USP45: variants seen among roughly 807,000 people sequenced by gnomAD.
USP45 encodes ubiquitin carboxyl-terminal hydrolase 45.
Under a neutral mutation model 95.8 loss-of-function variants are expected in USP45, and 89 were observed. The ratio of observed to expected loss-of-function variants is 0.93; its 90% CI spans 0.78 to 1.11. USP45 has a LOEUF of 1.11. USP45 is among the 50% of genes least tolerant of loss of function. The probability of loss-of-function intolerance (pLI) is 0.00; values close to 1 mark genes in which losing one functional copy is unlikely to be tolerated. For missense variants in USP45, 898 were observed against 942.5 expected (o/e 0.95, Z 0.62); for synonymous variants, 281 against 316.2 (o/e 0.89, Z 1.18).
At chr6:99,469,496 T>A (rs1788849137) in intron 9 of USP45, among the ~76,000 whole-genome samples, 1 of 142,780 alleles carries the variant, frequency 7.0e-6, no homozygotes, top group African/African-American at 2.5e-5. Context: ...ATTTTTTTTT[T>A]TTTTGAGAGT....
At chr6:99,454,220 C>T (rs11754659) in intron 13 of USP45, among the ~76,000 whole-genome samples, 22,339 of 152,168 alleles carry the variant, frequency 0.15, 2,359 homozygotes, top group Non-Finnish European at 0.21. Context: ...GAAGGACGCC[C>T]TCTTCAACAA....
At chr6:99,448,691 C>G (rs1783106609) in intron 13 of USP45, among the ~76,000 whole-genome samples, 2 of 152,148 alleles carry the variant, frequency 1.3e-5, no homozygotes, top group Admixed American at 1.3e-4. Flanking sequence ...CAAAGATACT[C>G]CTTGAGAAGA....
intron 5 of USP45, chr6:99,502,021 A>G: frequency 7.7e-7 from 1 of 1,295,282 alleles, no homozygotes; most frequent in Non-Finnish European, 1.0e-6. Context: ...TGCCAGAAAG[A>G]CCAACCATGT....
At chr6:99,487,563 G>A (rs1794210342) in intron 7 of USP45, among the ~76,000 whole-genome samples, 1 of 151,496 alleles carries the variant, frequency 6.6e-6, no homozygotes, top group South Asian at 2.1e-4. Context: ...GCCGAGGCGG[G>A]TGGATCACGA....
Position 99,507,410 on chromosome 6 carries a change from T to G in USP45, c.377+18A>C. On this transcript the variant is annotated intron_variant, in intron 4 of 17. Transcript: ENST00000500704. The stretch of plus-strand genomic sequence containing the variant: ...GGCTGTGGTTAGTGGACACAAGAAC[T>G]AACAAAATTTAACTTACCATATAAT... 1 of 1,523,128 alleles carries G rather than the reference T, an allele frequency of 6.6e-7. No homozygotes were observed. The highest frequency in any genetic ancestry group is 9.0e-7 in the Non-Finnish European group (1 of 1,114,116). 94.4% of individuals were successfully genotyped at this position (1,523,128 alleles called of 1,614,324 possible).
At chr6:99,469,306 AAAAC>A (rs1788718864) in intron 9 of USP45, among the ~76,000 whole-genome samples, 1 of 151,844 alleles carries the variant, frequency 6.6e-6, no homozygotes. Context: ...GTTTCAGAAT[AAAAC>A]TACATACTCC....
At chr6:99,450,730 A>G (rs988345817) in intron 13 of USP45, among the ~76,000 whole-genome samples, 13 of 152,204 alleles carry the variant, frequency 8.5e-5, no homozygotes, top group Non-Finnish European at 1.5e-4. Flanking sequence ...AGACACAACA[A>G]AAAAAGAGAA....
chr6:99,478,259 C>CA (rs1422577618), intron 8 of USP45, among the ~76,000 whole-genome samples: 17 of 85,000 alleles, frequency 2.0e-4, no homozygotes, highest in East Asian at 7.2e-4. Flanking sequence ...TAGGAATGGG[C>CA]AAAAAAAAAT....
chr6:99,494,771 G>A (rs1467444998), intron 5 of USP45, among the ~76,000 whole-genome samples: 1 of 152,128 alleles, frequency 6.6e-6, no homozygotes, highest in Non-Finnish European at 1.5e-5. Flanking sequence ...GCGCTTGCCT[G>A]TAGTCCAAGC....
At chr6:99,449,003 A>T (rs982632042) in intron 13 of USP45, among the ~76,000 whole-genome samples, 2 of 152,226 alleles carry the variant, frequency 1.3e-5, no homozygotes, top group Non-Finnish European at 2.9e-5. Flanking sequence ...GACCTGCCCT[A>T]CAAGAGCTCC....
At position 99,440,248 on chromosome 6, in the gene USP45, T is replaced by G. The variant is rs891897258; in HGVS notation, c.2074-393A>C. 7.9e-5 allele frequency among the ~76,000 whole-genome samples: 12 copies of G among 152,220 alleles called. No individual in the cohort carries two copies. The South Asian group carries it at 2.1e-3, about 26-fold the overall frequency. On this transcript the variant is annotated intron_variant, in intron 15 of 17. Coordinates refer to ENST00000500704, the MANE Select transcript of USP45 (RefSeq NM_001346022.3). ...GACTGGTTGTCAACTTGATTCCATATATAAAAGGATGAGATTAGGTCCTTT... is the reference window on the plus strand; with the variant it reads ...GACTGGTTGTCAACTTGATTCCATAGATAAAAGGATGAGATTAGGTCCTTT...
intron 5 of USP45, among the ~76,000 whole-genome samples, chr6:99,502,970 A>G (rs1240760284): frequency 6.6e-6 from 1 of 152,196 alleles, no homozygotes; most frequent in African/African-American, 2.4e-5. Context: ...TGGAACTGTG[A>G]GCCAATTAAA....
chr6:99,502,669 G>T, intron 5 of USP45, among the ~76,000 whole-genome samples: 1 of 152,232 alleles, frequency 6.6e-6, no homozygotes, highest in East Asian at 1.9e-4. Flanking sequence ...ATGTCGAGTT[G>T]TAATCGCCAA....
intron 1 of USP45, chr6:99,514,879 T>C (rs907830688): frequency 1.3e-5 from 2 of 152,206 alleles, no homozygotes; most frequent in African/African-American, 4.8e-5. Flanking sequence ...GCTATTATTT[T>C]CCGCATTTTA....
At chr6:99,474,341 G>A (rs1790264739) in intron 9 of USP45, among the ~76,000 whole-genome samples, 1 of 152,108 alleles carries the variant, frequency 6.6e-6, no homozygotes, top group Non-Finnish European at 1.5e-5. Context: ...GGGATTACAG[G>A]TGTGCACCAC....
At chr6:99,460,860 A>G (rs796972492) in intron 13 of USP45, 1 of 975,982 alleles carries the variant, frequency 1.0e-6, no homozygotes, top group African/African-American at 1.8e-5. Flanking sequence ...ATAAGATGGA[A>G]CACAAAAATT....
chr6:99,459,149 A>G lies in USP45; in HGVS notation c.1308+5455T>C, dbSNP rs530522749. Among the ~76,000 whole-genome samples the G allele has an allele frequency of 2.0e-5, 3 of 152,066 alleles. No individual in the cohort carries two copies. The East Asian group carries it at 5.8e-4, about 29-fold the overall frequency. On this transcript the variant is annotated intron_variant, in intron 13 of 17. Coordinates refer to ENST00000500704, the MANE Select transcript of USP45 (RefSeq NM_001346022.3). Reference sequence around the variant, plus strand: ...TCCTCTCCCTCCTCCCACCCTGTGCACCCTCCAGTAGGCCCCAGTGTCTTT... The same window carrying G: ...TCCTCTCCCTCCTCCCACCCTGTGCGCCCTCCAGTAGGCCCCAGTGTCTTT...
At chr6:99,475,554 G>T (rs974677981) in intron 9 of USP45, among the ~76,000 whole-genome samples, 10 of 151,932 alleles carry the variant, frequency 6.6e-5, no homozygotes, top group African/African-American at 2.4e-4. Context: ...GACCTCAGGT[G>T]ATCCACCTGC....
chr6:99,466,582 G>C (rs1442439260), intron 11 of USP45, 90 bp downstream of exon 11: 1 of 1,069,502 alleles, frequency 9.4e-7, no homozygotes, highest in Non-Finnish European at 1.4e-6. Flanking sequence ...TTTTAAAAAT[G>C]ACTGCCAATG....
Sources: allele counts gnomAD v4.1 joint callset (sites outside exome capture counted in the v4.1 genomes callset), GRCh38; gene constraint gnomAD v4.1.1; transcripts MANE v1.5; gene names NCBI Gene and HGNC (gene_info 2026-07-23, HGNC 2026-07-21).